UBE3B: variants seen among roughly 807,000 people sequenced by gnomAD.
UBE3B encodes the protein ubiquitin protein ligase E3B, also known as ubiquitin-protein ligase E3B.
A neutral mutation model predicts 132.3 loss-of-function variants in UBE3B; 80 were observed. The observed-to-expected ratio is 0.60, with a 90% CI of 0.50 to 0.73. The LOEUF (loss-of-function observed/expected upper bound fraction) is 0.73. UBE3B is among the 30% of genes least tolerant of loss of function. The pLI, the probability that UBE3B is intolerant of heterozygous loss-of-function variation, is 0.00. For missense variants in UBE3B, 1,196 were observed against 1,362.5 expected, an observed-to-expected ratio of 0.88 and a Z score of 1.92; for synonymous variants, 487 against 520.4, an observed-to-expected ratio of 0.94 and a Z score of 0.87.
chr12:109,486,379 G>A, intron 5 of UBE3B, 92 bp from the exon 6 acceptor site: 1 of 1,041,150 alleles, frequency 9.6e-7, no homozygotes, highest in South Asian at 1.5e-5. Context: ...TCTGGCACTG[G>A]ACCTAACTAA....
At position 109,498,254 on chromosome 12, in the gene UBE3B, C is replaced by T. The variant is rs762383336; in HGVS notation, c.841C>T (p.His281Tyr). The T allele has an allele frequency of 3.1e-6, 5 of 1,613,948 alleles. No individual in the cohort carries two copies. Among genetic ancestry groups the T allele is most frequent in the Non-Finnish European group, 4.2e-6 (5 of 1,179,998 alleles). Residue 281 changes from histidine (H) to tyrosine (Y), a missense_variant, in exon 11 of 28, where the codon CAT (histidine) becomes TAT (tyrosine). Transcript: ENST00000342494. The part of the protein sequence containing the change: ...TPERLTVLES[H>Y]DMLRKFIIFL... The stretch of plus-strand genomic sequence containing the variant: ...GCAGCGCCTCACTGTTTTAGAATCC[C>T]ATGACATGCTTCGTAAATTCATCAT...
downstream of UBE3B, among the ~76,000 whole-genome samples, chr12:109,538,804 G>A (rs1387439850): frequency 1.3e-5 from 2 of 152,202 alleles, no homozygotes; most frequent in African/African-American, 2.4e-5. The surrounding 1 kb of genome is among the most constrained non-coding windows in gnomAD (Gnocchi z 4.1). Flanking sequence ...CTGAGGAATC[G>A]TCTGAGTAGC....
At chr12:109,538,999 G>A (rs531297990), downstream of UBE3B, among the ~76,000 whole-genome samples, 25 of 152,354 alleles carry the variant, frequency 1.6e-4, no homozygotes, top group South Asian at 3.3e-3. This position sits in a 1 kb window ranked among gnomAD's most constrained non-coding sequence, Gnocchi z 4.1. Flanking sequence ...ACTTTGGGAG[G>A]CTGAGGCGGG....
intron 18 of UBE3B, among the ~76,000 whole-genome samples, chr12:109,516,247 C>T (rs2136026190): frequency 7.0e-6 from 1 of 142,214 alleles, no homozygotes; most frequent in East Asian, 2.1e-4. Flanking sequence ...TCTTGGCTCA[C>T]TGTAACCTCT....
Position 109,521,047 on chromosome 12 carries a change from G to T in UBE3B, c.2077-101G>T. 7.3e-7 allele frequency: 1 copy of T among 1,365,716 alleles called. No individual in the cohort carries two copies. The allele number at this position is 1,365,716 out of a possible 1,614,324, so 84.6% of individuals were successfully genotyped here. A position where few individuals can be genotyped will look rare whatever the true frequency, so the allele number is the denominator to read the frequency against. ...TCCACGTTTCATAATTTGCACATTT[G>T]GTAATGATGCTGGGAGAGCTTCGCA... is the stretch of plus-strand genomic sequence containing the variant. On this transcript the variant is annotated intron_variant, in intron 19 of 27. Transcript: ENST00000342494. The surrounding 1 kb of genome is among the most constrained non-coding windows in gnomAD (Gnocchi z 4.2).
chr12:109,510,216 G>A lies in UBE3B; in HGVS notation c.1742-128G>A, dbSNP rs548035147. ...ACCCAGGGTGCCTTTTAATTCTGTC[G>A]GTTCCACATATAATTCAGAGCGAGG... On this transcript the variant is annotated intron_variant, in intron 16 of 27. Transcript: ENST00000342494. The A allele has an allele frequency of 1.4e-4, 102 of 744,818 alleles. No individual in the cohort carries two copies. In the African/African-American group the frequency reaches 1.5e-3, roughly 11 times the overall value. 46.1% of individuals were successfully genotyped at this position (744,818 alleles called of 1,614,324 possible).
At chr12:109,531,136 G>A (rs1282190559) in intron 26 of UBE3B, among the ~76,000 whole-genome samples, 4 of 152,066 alleles carry the variant, frequency 2.6e-5, no homozygotes, top group South Asian at 2.1e-4. Context: ...TCTCAATAGC[G>A]TAAGACACAC....
At chr12:109,508,923 A>G (rs1880008838) in intron 15 of UBE3B, 1 of 199,168 alleles carries the variant, frequency 5.0e-6, no homozygotes, top group Non-Finnish European at 9.0e-6. Context: ...CTCAGTAAAC[A>G]TCGACTCTCA....
In UBE3B at chr12:109,489,952, G is replaced by T. The variant is rs1877152425; in HGVS notation, c.578G>T (p.Cys193Phe). Residue 193 changes from cysteine to phenylalanine, a missense_variant, in exon 8 of 28, where the codon TGT becomes TTT. Physicochemically the swap from Cys to Phe is radical, Grantham distance 205. Transcript: ENST00000342494. The stretch of plus-strand genomic sequence containing the variant: ...CTTCGACCAGCGATGAACCACATTT[G>T]TGCAAATATAATGGGACATCTCAAC... ...ESLRPAMNHI[C>F]ANIMGHLNQH... 1.2e-6 allele frequency: 2 copies of T among 1,614,188 alleles called. No homozygotes were observed. Among genetic ancestry groups the T allele is most frequent in the Non-Finnish European group, 1.7e-6 (2 of 1,180,038 alleles).
chr12:109,503,481 G>C (rs1879257040), intron 14 of UBE3B, among the ~76,000 whole-genome samples: 1 of 151,166 alleles, frequency 6.6e-6, no homozygotes, highest in African/African-American at 2.4e-5. Flanking sequence ...AAAAAGATAG[G>C]GTTGCAAAAA....
chr12:109,531,423 T>A (rs1882926976), intron 26 of UBE3B, among the ~76,000 whole-genome samples: 1 of 152,236 alleles, frequency 6.6e-6, no homozygotes, highest in South Asian at 2.1e-4. Context: ...GATCCTATCA[T>A]TTCCCACCAG....
intron 4 of UBE3B, among the ~76,000 whole-genome samples, chr12:109,484,558 A>G (rs562695131): frequency 6.6e-6 from 1 of 151,796 alleles, no homozygotes. Context: ...CGCCCAGCTA[A>G]TTTTTGTATT....
chr12:109,537,143 C>T (rs1240218050), downstream of UBE3B, among the ~76,000 whole-genome samples: 1 of 152,190 alleles, frequency 6.6e-6, no homozygotes, highest in Non-Finnish European at 1.5e-5. Context: ...AGCCACCATG[C>T]CCAGCCAGTA....
chr12:109,512,875 C>A (rs915973781), intron 18 of UBE3B, among the ~76,000 whole-genome samples: 6 of 152,218 alleles, frequency 3.9e-5, no homozygotes, highest in Non-Finnish European at 8.8e-5. Context: ...TGTCCCTGAC[C>A]TTGCTTCCAA....
chr12:109,484,356 C>T (rs11066853), intron 4 of UBE3B, among the ~76,000 whole-genome samples: 2,418 of 152,288 alleles, frequency 0.016, 75 homozygotes, highest in Admixed American at 0.07. Flanking sequence ...GCCCCATCCA[C>T]GGGGAGCAGC....
chr12:109,530,887 T>C (rs1882872079), intron 26 of UBE3B, among the ~76,000 whole-genome samples: 1 of 152,212 alleles, frequency 6.6e-6, no homozygotes, highest in Non-Finnish European at 1.5e-5. Context: ...ACAGGCCCCC[T>C]GCACAGGTGG....
chr12:109,517,426 G>A (rs865869577), intron 19 of UBE3B, among the ~76,000 whole-genome samples: 2 of 152,108 alleles, frequency 1.3e-5, no homozygotes, highest in African/African-American at 4.8e-5. Flanking sequence ...ACCACTATAC[G>A]GTGACTCCAT....
intron 23 of UBE3B, among the ~76,000 whole-genome samples, chr12:109,525,062 G>A (rs2136093700): frequency 6.6e-6 from 1 of 152,262 alleles, no homozygotes; most frequent in East Asian, 1.9e-4. Flanking sequence ...CCGCTCAGGA[G>A]AAACCACGCC....
chr12:109,518,709 C>T (rs1370735444), intron 19 of UBE3B, among the ~76,000 whole-genome samples: 2 of 152,214 alleles, frequency 1.3e-5, no homozygotes, highest in Non-Finnish European at 2.9e-5. Flanking sequence ...AATATCATTG[C>T]TTATTGGAAA....
Sources: gnomAD v4.1 joint callset for allele counts (sites outside exome capture counted in the v4.1 genomes callset) on GRCh38, gnomAD v4.1.1 for gene constraint, Gnocchi (gnomAD v3.1) non-coding constraint, MANE v1.5 for transcripts, NCBI Gene and HGNC (gene_info 2026-07-23, HGNC 2026-07-21) for gene names.